The following LDLRAD3 variants were observed in gnomAD, a reference collection of about 807,000 sequenced individuals.
LDLRAD3 encodes the protein low density lipoprotein receptor class A domain containing 3.
Under a neutral mutation model 29.4 loss-of-function variants are expected in LDLRAD3, and 20 were observed. That is an observed-to-expected ratio of 0.68 (90% CI 0.48 to 0.99). The LOEUF is 0.99. Ranked by LOEUF, LDLRAD3 falls within the 50% of genes least tolerant of loss-of-function variation. The pLI, the probability that LDLRAD3 is intolerant of heterozygous loss-of-function variation, is 0.00. For synonymous variants in LDLRAD3, 157 were observed against 192.7 expected, an observed-to-expected ratio of 0.81 and a Z score of 1.53; for missense variants, 420 against 454.3, an observed-to-expected ratio of 0.92 and a Z score of 0.69.
chr11:35,956,197 G>A (rs905363358), intron 1 of LDLRAD3, among the ~76,000 whole-genome samples: 7 of 152,094 alleles, frequency 4.6e-5, no homozygotes, highest in African/African-American at 1.2e-4. Flanking sequence ...TAAATTATTC[G>A]ATAACAGAGC....
At chr11:36,215,869 G>C (rs1264367380) in intron 4 of LDLRAD3, among the ~76,000 whole-genome samples, 1 of 152,186 alleles carries the variant, frequency 6.6e-6, no homozygotes, top group African/African-American at 2.4e-5. Context: ...TCACAGGCAG[G>C]AGTAGCACCG....
chr11:36,216,375 A>G (rs1039343899), intron 4 of LDLRAD3, among the ~76,000 whole-genome samples: 1 of 152,250 alleles, frequency 6.6e-6, no homozygotes, highest in Non-Finnish European at 1.5e-5. Flanking sequence ...ACATCCTTTC[A>G]TGAAGAGTCA....
intron 4 of LDLRAD3, among the ~76,000 whole-genome samples, chr11:36,193,894 G>A (rs556655572): frequency 6.6e-6 from 1 of 152,232 alleles, no homozygotes; most frequent in East Asian, 1.9e-4. Flanking sequence ...TACTAGCTGA[G>A]ACATCTTGGG....
At chr11:36,189,459 G>A (rs1327500043) in intron 4 of LDLRAD3, among the ~76,000 whole-genome samples, 1 of 151,964 alleles carries the variant, frequency 6.6e-6, no homozygotes, top group East Asian at 1.9e-4. Context: ...ACTCCAGCTT[G>A]GGTGACAGAG....
intron 4 of LDLRAD3, among the ~76,000 whole-genome samples, chr11:36,182,484 A>C (rs1003822064): frequency 7.2e-5 from 11 of 152,232 alleles, no homozygotes; most frequent in Non-Finnish European, 1.2e-4. Flanking sequence ...CTCTTGGCTC[A>C]AAATTTTGGC....
At chr11:35,995,746 G>A (rs1160211986) in intron 1 of LDLRAD3, among the ~76,000 whole-genome samples, 3 of 152,202 alleles carry the variant, frequency 2.0e-5, no homozygotes, top group Non-Finnish European at 4.4e-5. Context: ...TGGATAACTT[G>A]CTGCAGCTTC....
At position 36,229,222 on chromosome 11, in the gene LDLRAD3, C is replaced by A; in HGVS notation, c.863C>A (p.Ala288Asp). 6.2e-7 allele frequency: 1 copy of A among 1,614,016 alleles called. No individual in the cohort carries two copies. Among genetic ancestry groups the A allele is most frequent in the South Asian group, 1.1e-5 (1 of 91,076 alleles). Residue 288 changes from alanine (A) to aspartate (D), a missense_variant, in exon 6 of 6, where the codon GCC (alanine) becomes GAC (aspartate). Transcript: ENST00000315571. ...TCTGACACGGAATCTCTGAACCAAG[C>A]CGACCTGCCCCCCTACCGCTCCCGG... ...YSSDTESLNQ[A>D]DLPPYRSRSG...
chr11:36,152,903 T>G (rs996505430), intron 4 of LDLRAD3, among the ~76,000 whole-genome samples: 1 of 152,162 alleles, frequency 6.6e-6, no homozygotes, highest in Non-Finnish European at 1.5e-5. Context: ...GGGGTGCTCT[T>G]GGGGACCTCC....
intron 4 of LDLRAD3, among the ~76,000 whole-genome samples, chr11:36,194,455 C>G (rs1246365479): frequency 6.6e-6 from 1 of 152,154 alleles, no homozygotes; most frequent in East Asian, 1.9e-4. Flanking sequence ...TTTCAACCAC[C>G]TAGTGACCAC....
rs112384155 is a variant in LDLRAD3 at position 36,148,068 on chromosome 11, A to G, written c.454+49607A>G. Among the ~76,000 whole-genome samples, 879 of 152,118 alleles carry G rather than the reference A, an allele frequency of 5.8e-3. 9 individuals are homozygous for G. The highest frequency in any genetic ancestry group is 0.02 in the African/African-American group (846 of 41,486). On this transcript the variant is annotated intron_variant, in intron 4 of 5. Transcript: ENST00000315571. ...GTATTGTTAGTAGAGACGGGGTTTC[A>G]CCATGTTGGCCAGGCTGGTCTTGAA...
At chr11:36,000,377 A>G (rs537547568) in intron 1 of LDLRAD3, among the ~76,000 whole-genome samples, 1 of 151,820 alleles carries the variant, frequency 6.6e-6, no homozygotes, top group Admixed American at 6.6e-5. Flanking sequence ...AAAAGTAGAA[A>G]ATGAGTTGTA....
intron 3 of LDLRAD3, among the ~76,000 whole-genome samples, chr11:36,083,129 C>T (rs377164165): frequency 3.9e-5 from 6 of 152,320 alleles, no homozygotes; most frequent in South Asian, 2.1e-4. Context: ...TCAATATCCT[C>T]GGCCAGTGTG....
chr11:36,025,218 T>C (rs914586342), intron 1 of LDLRAD3, among the ~76,000 whole-genome samples: 1 of 152,158 alleles, frequency 6.6e-6, no homozygotes, highest in Non-Finnish European at 1.5e-5. Flanking sequence ...ATGTCTTTCA[T>C]AGGGTTTTTT....
At chr11:36,008,019 A>T (rs1173873270) in intron 1 of LDLRAD3, among the ~76,000 whole-genome samples, 1 of 152,158 alleles carries the variant, frequency 6.6e-6, no homozygotes, top group Non-Finnish European at 1.5e-5. Context: ...TGTTCAGCCT[A>T]CCTGAGTGGC....
intron 4 of LDLRAD3, among the ~76,000 whole-genome samples, chr11:36,170,236 GTA>G (rs954910103): frequency 4.0e-5 from 6 of 149,490 alleles, no homozygotes; most frequent in Non-Finnish European, 8.9e-5. Context: ...TCCATGGTGT[GTA>G]TGTGTGTGTA....
chr11:36,085,952 A>C (rs1853189836), intron 3 of LDLRAD3, among the ~76,000 whole-genome samples: 1 of 151,738 alleles, frequency 6.6e-6, no homozygotes, highest in Non-Finnish European at 1.5e-5. Context: ...TTTTCTTTTT[A>C]TTGTTCATAT....
chr11:36,174,352 A>G (rs941533752), intron 4 of LDLRAD3, among the ~76,000 whole-genome samples: 1 of 152,244 alleles, frequency 6.6e-6, no homozygotes, highest in African/African-American at 2.4e-5. Flanking sequence ...ACAAAAGCCA[A>G]AATTGACAAG....
At chr11:35,988,573 T>A (rs546283076) in intron 1 of LDLRAD3, among the ~76,000 whole-genome samples, 1 of 151,984 alleles carries the variant, frequency 6.6e-6, no homozygotes, top group African/African-American at 2.4e-5. Context: ...TTAAATTAGG[T>A]CCCACTTGTC....
chr11:36,097,349 T>C (rs1451033481), intron 3 of LDLRAD3, among the ~76,000 whole-genome samples: 1 of 152,216 alleles, frequency 6.6e-6, no homozygotes, highest in Non-Finnish European at 1.5e-5. Context: ...TCAGATCATG[T>C]CATTACCTCC....
Sources: gnomAD v4.1 joint callset for allele counts (sites outside exome capture counted in the v4.1 genomes callset) on GRCh38, gnomAD v4.1.1 for gene constraint, MANE v1.5 for transcripts, NCBI Gene and HGNC (gene_info 2026-07-23, HGNC 2026-07-21) for gene names.